The following ANO9 variants were observed in gnomAD, a reference collection of about 807,000 sequenced individuals.
The protein encoded by ANO9 is anoctamin-9.
A neutral mutation model predicts 100.5 loss-of-function variants in ANO9; 80 were observed. That is an observed-to-expected ratio of 0.80 (90% CI 0.66 to 0.96). ANO9 has a LOEUF of 0.96. ANO9 is among the 40% of genes least tolerant of loss of function. The pLI is 0.00. For synonymous variants in ANO9, 473 were observed against 435.6 expected (o/e 1.09, Z -1.07); for missense variants, 1,064 against 1,072.7 (o/e 0.99, Z 0.11).
chr11:439,968 G>A (rs1483475059), intron 1 of ANO9, among the ~76,000 whole-genome samples: 1 of 152,242 alleles, frequency 6.6e-6, no homozygotes, highest in African/African-American at 2.4e-5. Context: ...AGGGGCGGGG[G>A]CCTACTTGGC....
chr11:424,494 G>C (rs891119816), intron 15 of ANO9, among the ~76,000 whole-genome samples: 3 of 152,186 alleles, frequency 2.0e-5, no homozygotes, highest in African/African-American at 7.2e-5. Flanking sequence ...TGCCCTATAG[G>C]GCTACTGTGC....
intron 11 of ANO9, among the ~76,000 whole-genome samples, chr11:429,029 A>T (rs112465277): frequency 1.5e-5 from 1 of 67,516 alleles, no homozygotes; most frequent in African/African-American, 6.3e-5. Context: ...GGACACTCAC[A>T]CCACACGTGG....
Position 418,062 on chromosome 11 carries a change from A to C in ANO9, c.*309T>G. The C allele has an allele frequency of 2.8e-6, 1 of 362,234 alleles. No individual in the cohort carries two copies. The allele number at this position is 362,234 out of a possible 1,614,324, so 22.4% of individuals were successfully genotyped here. ...GATCTGGCGCCCAGAAGTCAGAGGG[A>C]GGCCCAGGAAATTTGCGCCAGTTTT... On this transcript the variant is annotated 3_prime_UTR_variant, in exon 23 of 23. Coordinates refer to ENST00000332826, the MANE Select transcript of ANO9 (RefSeq NM_001012302.3).
chr11:426,589 A>G (rs1184336832), intron 15 of ANO9, among the ~76,000 whole-genome samples: 2 of 152,098 alleles, frequency 1.3e-5, no homozygotes, highest in Non-Finnish European at 2.9e-5. Flanking sequence ...TAAATAAATA[A>G]AAATAAAATG....
chr11:420,119 C>G (rs1439518529), intron 19 of ANO9: 5 of 1,331,132 alleles, frequency 3.8e-6, no homozygotes, highest in Non-Finnish European at 2.9e-6. Flanking sequence ...CGTCGCTCCC[C>G]TGCTGCCTGT....
Position 428,625 on chromosome 11 carries a change from G to A in ANO9, c.1035C>T (p.Ile345=), listed in dbSNP as rs779750925. The change falls in exon 13 of 23, where the codon ATC becomes ATT. Residue 345 remains isoleucine (I), a synonymous_variant. Transcript: ENST00000332826. ...AGACCACCAGGACGTGGGCCATGCC[G>A]ATCATGAGGCAGATCTGCGGGACAG... ...VLTLLMICLM[I]GMAHVLVVYR... is the part of the protein sequence containing the mutation. The A allele has an allele frequency of 1.4e-5, 23 of 1,611,834 alleles. No homozygotes were observed. Among genetic ancestry groups the A allele is most frequent in the Admixed American group, 1.2e-4 (7 of 59,966 alleles).
chr11:435,095 T>C (rs1317645120), intron 1 of ANO9, among the ~76,000 whole-genome samples: 3 of 152,114 alleles, frequency 2.0e-5, no homozygotes, highest in Non-Finnish European at 4.4e-5. Context: ...TGTAGTGTAG[T>C]GTAGTGTAGT....
intron 1 of ANO9, 71 bp from the exon 2 acceptor site, chr11:434,169 C>G (rs1849269865): frequency 6.6e-7 from 1 of 1,510,770 alleles, no homozygotes; most frequent in East Asian, 2.5e-5. Context: ...ATTGGCGGGT[C>G]CCTGCAGCGG....
chr11:430,081 A>G lies in ANO9; in HGVS notation c.771+2T>C, dbSNP rs1364440090. On this transcript the variant is annotated splice_donor_variant, in intron 9 of 22. Transcript: ENST00000332826. LOFTEE classifies it high-confidence loss of function. Reference sequence around the variant, plus strand: ...CCTGGGGTGGACCCGGAGGCGACAAACCTTGGCAAAAGTGCAGGTTTCCGA... The same window carrying G: ...CCTGGGGTGGACCCGGAGGCGACAAGCCTTGGCAAAAGTGCAGGTTTCCGA... 6.5e-7 allele frequency: 1 copy of G among 1,549,972 alleles called. No individual in the cohort carries two copies. The highest frequency in any genetic ancestry group is 2.0e-5 in the Admixed American group (1 of 51,102).
rs972508639 is a variant in ANO9, at chr11:419,832, G to A, written c.1787-103C>T. ...CACGGGGCCTGCCGTGTCTCTGTGC[G>A]TGGTGTCCCCTTGCAGCCCTAGGGC... On this transcript the variant is annotated intron_variant, in intron 19 of 22. Coordinates refer to ENST00000332826, the MANE Select transcript of ANO9 (RefSeq NM_001012302.3). The A allele has an allele frequency of 9.9e-5, 152 of 1,533,736 alleles. No individual in the cohort carries two copies. The East Asian group carries it at 1.7e-3, about 17-fold the overall frequency.
In ANO9 at chr11:428,359, G is replaced by A. The variant is rs150509807; in HGVS notation, c.1221C>T (p.Phe407=). 1.7e-4 allele frequency: 275 copies of A among 1,612,410 alleles called. No individual in the cohort carries two copies. In the Admixed American group the frequency reaches 2.5e-3, roughly 15 times the overall value. ...NRCVALKLCD[F]EMPRTFSERE... Reference sequence around the variant, plus strand: ...GAGGGTCTGGGGTAGTCCTCTCACCGAAGTCACAAAGCTTCAGGGCCACGC... The same window carrying A: ...GAGGGTCTGGGGTAGTCCTCTCACCAAAGTCACAAAGCTTCAGGGCCACGC... The change falls in exon 14 of 23, where the codon TTC becomes TTT. Residue 407 remains phenylalanine, a splice_region_variant and synonymous_variant. Coordinates refer to ENST00000332826, the MANE Select transcript of ANO9 (RefSeq NM_001012302.3).
chr11:433,553 T>G, intron 3 of ANO9, 94 bp from the exon 4 acceptor site: 4 of 1,364,370 alleles, frequency 2.9e-6, no homozygotes, highest in South Asian at 1.2e-5. Context: ...CTCAGAACCC[T>G]CCCCCCTCTA....
chr11:429,551 G>C lies in ANO9; in HGVS notation c.915+19C>G. Reference sequence around the variant, plus strand: ...CCCTGCTCGGGTCGGCCTCAGCTGCGCTGCCAGCTCCACCTCACCTGTTCC... The same window carrying C: ...CCCTGCTCGGGTCGGCCTCAGCTGCCCTGCCAGCTCCACCTCACCTGTTCC... On this transcript the variant is annotated intron_variant, in intron 11 of 22. Coordinates refer to ENST00000332826, the MANE Select transcript of ANO9 (RefSeq NM_001012302.3). The C allele has an allele frequency of 9.3e-6, 15 of 1,611,824 alleles. No individual in the cohort carries two copies. Among genetic ancestry groups the C allele is most frequent in the Non-Finnish European group, 1.3e-5 (15 of 1,179,676 alleles).
At chr11:437,155 G>T (rs1845417743) in intron 1 of ANO9, among the ~76,000 whole-genome samples, 1 of 151,842 alleles carries the variant, frequency 6.6e-6, no homozygotes, top group South Asian at 2.1e-4. Context: ...ATTGTGCACT[G>T]CGCATGCAGG....
rs1590488727 is a variant in ANO9, at chr11:432,357, A to C, written c.351-303T>G. The C allele has an allele frequency of 6.7e-5, 29 of 430,876 alleles. No homozygotes were observed. Among genetic ancestry groups the C allele is most frequent in the South Asian group, 2.0e-4 (7 of 34,290 alleles). The allele number at this position is 430,876 out of a possible 1,614,324, so 26.7% of individuals were successfully genotyped here. A position where few individuals can be genotyped will look rare whatever the true frequency, so the allele number is the denominator to read the frequency against. Reference sequence around the variant, plus strand: ...GACCACAGCCCGCACCTGCAACCACACCTCCCACCTGCGGGCCCCATGTGT... The same window carrying C: ...GACCACAGCCCGCACCTGCAACCACCCCTCCCACCTGCGGGCCCCATGTGT... On this transcript the variant is annotated intron_variant, in intron 4 of 22. Transcript: ENST00000332826. This position sits in a 1 kb window ranked among gnomAD's most constrained non-coding sequence, Gnocchi z 4.8.
chr11:419,751 G>T, intron 19 of ANO9, 22 bp from the exon 20 acceptor site: 3 of 1,611,100 alleles, frequency 1.9e-6, no homozygotes, highest in Non-Finnish European at 2.5e-6. Context: ...CAGTGGGCAA[G>T]CGGTCTGACT....
At chr11:438,157 C>T (rs1845519007) in intron 1 of ANO9, among the ~76,000 whole-genome samples, 1 of 152,102 alleles carries the variant, frequency 6.6e-6, no homozygotes, top group Non-Finnish European at 1.5e-5. Context: ...GCAGGATCAG[C>T]CTCCCCTGGG....
intron 15 of ANO9, among the ~76,000 whole-genome samples, chr11:425,943 A>G (rs540317741): frequency 6.6e-6 from 1 of 152,106 alleles, no homozygotes; most frequent in African/African-American, 2.4e-5. Flanking sequence ...CGTGTTAGCC[A>G]GGATACTCTC....
chr11:424,395 C>G (rs1200321504), intron 15 of ANO9, among the ~76,000 whole-genome samples: 1 of 152,212 alleles, frequency 6.6e-6, no homozygotes, highest in African/African-American at 2.4e-5. Flanking sequence ...ATCTGTTCCG[C>G]CACCCACTGG....
Sources: gnomAD v4.1 joint callset for allele counts (sites outside exome capture counted in the v4.1 genomes callset) on GRCh38, gnomAD v4.1.1 for gene constraint, Gnocchi (gnomAD v3.1) non-coding constraint, MANE v1.5 for transcripts, NCBI Gene and HGNC (gene_info 2026-07-23, HGNC 2026-07-21) for gene names.